KLHDC10: variants seen among roughly 807,000 people sequenced by gnomAD.
The protein encoded by KLHDC10 is kelch domain containing 10, also known as kelch domain-containing protein 10.
Under a neutral mutation model 56.1 loss-of-function variants are expected in KLHDC10, and 24 were observed. The observed-to-expected ratio is 0.43, with a 90% confidence interval of 0.31 to 0.60. The LOEUF (loss-of-function observed/expected upper bound fraction) is 0.60. KLHDC10 is among the 20% of genes least tolerant of loss of function. The pLI, the probability that KLHDC10 is intolerant of heterozygous loss-of-function variation, is 0.11. For synonymous variants in KLHDC10, 188 were observed against 207.1 expected (o/e 0.91, Z 0.79); for missense variants, 349 against 567.0 (o/e 0.62, Z 3.91).
At position 130,131,810 on chromosome 7, in the gene KLHDC10, C is replaced by G. The variant is rs1796404881; in HGVS notation, c.*1064C>G. On this transcript the variant is annotated 3_prime_UTR_variant, in exon 10 of 10. Transcript: ENST00000335420. ...CTTGTTTCTTTTCTAATCTCTGGGCCAGGTACCTGCCATTTTCTCAGGCAG... is the reference window on the plus strand; with the variant it reads ...CTTGTTTCTTTTCTAATCTCTGGGCGAGGTACCTGCCATTTTCTCAGGCAG... The G allele has an allele frequency of 6.6e-6, 1 of 152,172 alleles. No individual in the cohort carries two copies. The highest frequency in any genetic ancestry group is 1.5e-5 in the Non-Finnish European group (1 of 68,046). The allele number at this position is 152,172 out of a possible 1,614,324, so 9.4% of individuals were successfully genotyped here.
chr7:130,096,110 GT>G (rs2116869723), intron 1 of KLHDC10, among the ~76,000 whole-genome samples: 1 of 152,276 alleles, frequency 6.6e-6, no homozygotes, highest in African/African-American at 2.4e-5. Flanking sequence ...CAGGATTGTT[GT>G]GAGAATTATA....
intron 2 of KLHDC10, among the ~76,000 whole-genome samples, chr7:130,098,802 G>T (rs1479891460): frequency 1.3e-5 from 2 of 152,042 alleles, no homozygotes. Flanking sequence ...GACATAACAG[G>T]TTGTATCTGT....
At position 130,134,204 on chromosome 7, in the gene KLHDC10, A is replaced by G. The variant is rs1396821164; in HGVS notation, c.*3458A>G. The G allele has an allele frequency of 6.6e-6, 1 of 152,134 alleles. No homozygotes were observed. The highest frequency in any genetic ancestry group is 1.5e-5 in the Non-Finnish European group (1 of 68,032). The allele number at this position is 152,134 out of a possible 1,614,324, so 9.4% of individuals were successfully genotyped here. ...CCTGTAAGCACCTGTTTTTCCATGG[A>G]ATGGGGTTAATGAGTAGGTAGAAAA... On this transcript the variant is annotated 3_prime_UTR_variant, in exon 10 of 10. Transcript: ENST00000335420.
chr7:130,128,874 T>C (rs1181995006), intron 8 of KLHDC10, among the ~76,000 whole-genome samples: 1 of 24,708 alleles, frequency 4.0e-5, no homozygotes, highest in African/African-American at 4.1e-4. Flanking sequence ...ACCTTGTCTC[T>C]TAAAAAAAAA....
chr7:130,097,724 A>G (rs1007621465), intron 2 of KLHDC10, among the ~76,000 whole-genome samples: 1 of 152,252 alleles, frequency 6.6e-6, no homozygotes, highest in Admixed American at 6.5e-5. Flanking sequence ...TGAAGGAAGT[A>G]TAAATTTTAT....
rs13241007 is a variant in KLHDC10 at position 130,131,304 on chromosome 7, G to A, written c.*558G>A. 0.2 allele frequency: 31,073 copies of A among 154,012 alleles called. 3,656 individuals carry two copies. Among genetic ancestry groups the A allele is most frequent in the Non-Finnish European group, 0.26 (17,967 of 69,170 alleles). The allele number at this position is 154,012 out of a possible 1,614,324, so 9.5% of individuals were successfully genotyped here. On this transcript the variant is annotated 3_prime_UTR_variant, in exon 10 of 10. Coordinates refer to ENST00000335420, the MANE Select transcript of KLHDC10 (RefSeq NM_014997.4). The stretch of plus-strand genomic sequence containing the variant: ...AGTAGCTGGGTCTGATGGCAGCAGT[G>A]CTTGCCATCTTGTTGCACAGATAAC...
chr7:130,070,670 G>T lies in KLHDC10; in HGVS notation c.27G>T (p.Arg9Ser). 1 of 1,309,514 alleles carries T rather than the reference G, an allele frequency of 7.6e-7. No homozygotes were observed. Among genetic ancestry groups the T allele is most frequent in the South Asian group, 2.3e-5 (1 of 42,980 alleles). 81.1% of individuals were successfully genotyped at this position (1,309,514 alleles called of 1,614,324 possible). MSAAQGWD[R>S]NRRRGGGAAG... ...TGTCGGCCGCCCAGGGCTGGGACAG[G>T]AACCGCCGGAGGGGAGGAGGCGCCG... The change falls in exon 1 of 10, where the codon AGG (arginine) becomes AGT (serine). Residue 9 changes from arginine (R) to serine (S), a missense_variant. Physicochemically the swap from Arg to Ser is moderately radical, Grantham distance 110. Around this residue, in one of 2 missense-constraint regions of KLHDC10, gnomAD observed 104 missense variants for 97.0 expected, o/e 1.07. Coordinates refer to ENST00000335420, the MANE Select transcript of KLHDC10 (RefSeq NM_014997.4).
intron 1 of KLHDC10, among the ~76,000 whole-genome samples, chr7:130,076,471 G>T (rs1445392598): frequency 1.3e-5 from 2 of 152,084 alleles, no homozygotes; most frequent in Non-Finnish European, 2.9e-5. Flanking sequence ...GTTTTGTTGT[G>T]AAATTTATCA....
At chr7:130,085,603 G>A (rs868776246) in intron 1 of KLHDC10, among the ~76,000 whole-genome samples, 85 of 152,018 alleles carry the variant, frequency 5.6e-4, no homozygotes, top group African/African-American at 1.9e-3. Context: ...GGGAGGCTGC[G>A]GTGGGTGGAT....
intron 1 of KLHDC10, among the ~76,000 whole-genome samples, chr7:130,084,484 G>A (rs538996052): frequency 1.3e-5 from 2 of 152,176 alleles, no homozygotes; most frequent in African/African-American, 4.8e-5. Context: ...CAAGATGATT[G>A]CTAACAAGGC....
rs55805509 is a variant in KLHDC10 at position 130,085,833 on chromosome 7, CAAA to C, written c.167-11067_167-11065del. 6.1e-3 allele frequency among the ~76,000 whole-genome samples: 524 copies of C among 86,274 alleles called. 3 individuals carry two copies. The highest frequency in any genetic ancestry group is 0.02 in the African/African-American group (467 of 22,808). The allele number at this position is 86,274 out of a possible 152,430, so 56.6% of individuals were successfully genotyped here. ...TGGGTGACAGAGTGAGACTCTTTCT[CAAA>C]AAAAAAAAAAAAAAAAAAAATTAAC... On this transcript the variant is annotated intron_variant, in intron 1 of 9. Transcript: ENST00000335420.
intron 2 of KLHDC10, among the ~76,000 whole-genome samples, chr7:130,104,260 A>G (rs899795303): frequency 6.6e-6 from 1 of 152,214 alleles, no homozygotes; most frequent in Non-Finnish European, 1.5e-5. Flanking sequence ...GAAAATCTGC[A>G]TATAAATAGA....
intron 1 of KLHDC10, among the ~76,000 whole-genome samples, chr7:130,096,715 G>A (rs528899666): frequency 1.6e-4 from 25 of 152,282 alleles, no homozygotes; most frequent in African/African-American, 6.0e-4. Context: ...TCTTTTGGGG[G>A]TAAGAGTTGA....
At chr7:130,118,482 T>G (rs1008127684) in intron 3 of KLHDC10, among the ~76,000 whole-genome samples, 1 of 152,234 alleles carries the variant, frequency 6.6e-6, no homozygotes, top group Non-Finnish European at 1.5e-5. Context: ...CCACTTAAAC[T>G]TTCTGCATAT....
chr7:130,087,271 T>C lies in KLHDC10; in HGVS notation c.167-9650T>C, dbSNP rs117834803. On this transcript the variant is annotated intron_variant, in intron 1 of 9. Coordinates refer to ENST00000335420, the MANE Select transcript of KLHDC10 (RefSeq NM_014997.4). ...TTTTTTTTGCTATTCCTAGTCTTACTTTCCTGACCCATTCTCTATATTTAA... is the reference window on the plus strand; with the variant it reads ...TTTTTTTTGCTATTCCTAGTCTTACCTTCCTGACCCATTCTCTATATTTAA... 6.2e-3 allele frequency among the ~76,000 whole-genome samples: 942 copies of C among 152,332 alleles called. 4 individuals are homozygous for C. Among genetic ancestry groups the C allele is most frequent in the Middle Eastern group, 0.024 (7 of 294 alleles).
chr7:130,087,026 C>A (rs1365720292), intron 1 of KLHDC10, among the ~76,000 whole-genome samples: 1 of 152,178 alleles, frequency 6.6e-6, no homozygotes, highest in Non-Finnish European at 1.5e-5. Flanking sequence ...TTGCTGTCCC[C>A]TTTTTTATAG....
chr7:130,122,335 G>A, intron 5 of KLHDC10, 133 bp downstream of exon 5: 1 of 780,740 alleles, frequency 1.3e-6, no homozygotes. Context: ...TTAGATCTCA[G>A]GTAAATAGTA....
rs377114152 is a variant in KLHDC10 at position 130,134,616 on chromosome 7, G to T, written c.*3870G>T. 4 of 146,518 alleles carry T rather than the reference G, an allele frequency of 2.7e-5. No individual in the cohort carries two copies. Among genetic ancestry groups the T allele is most frequent in the South Asian group, 4.3e-4 (2 of 4,670 alleles). The allele number at this position is 146,518 out of a possible 1,614,324, so 9.1% of individuals were successfully genotyped here. A position where few individuals can be genotyped will look rare whatever the true frequency, so the allele number is the denominator to read the frequency against. ...ATCCTCTAAGACTGTGTTGGTCTTC[G>T]TATTCTGTAAAACCCATTTTTTTTT... is the stretch of plus-strand genomic sequence containing the variant. On this transcript the variant is annotated 3_prime_UTR_variant, in exon 10 of 10. Transcript: ENST00000335420.
At chr7:130,084,015 C>T (rs1351420418) in intron 1 of KLHDC10, among the ~76,000 whole-genome samples, 2 of 152,172 alleles carry the variant, frequency 1.3e-5, no homozygotes, top group East Asian at 1.9e-4. Flanking sequence ...GAGGTGTTCT[C>T]TTCCAAATCT....
Sources: allele counts gnomAD v4.1 joint callset (sites outside exome capture counted in the v4.1 genomes callset), GRCh38; gene constraint gnomAD v4.1.1; regional missense constraint gnomAD v4.1.1; transcripts MANE v1.5; gene names NCBI Gene and HGNC (gene_info 2026-07-23, HGNC 2026-07-21).